AGBL4: variants seen among roughly 807,000 people sequenced by gnomAD.
AGBL4 encodes the protein cytosolic carboxypeptidase 6.
AGBL4 carries 58 observed loss-of-function variants against 66.4 expected under a neutral mutation model. That is an observed-to-expected ratio of 0.87 (90% CI 0.71 to 1.09). AGBL4 has a LOEUF of 1.09. Among genes scored for constraint, AGBL4 ranks in the 50% least tolerant of loss-of-function variants. The pLI, the probability that AGBL4 is intolerant of heterozygous loss-of-function variation, is 0.00. For missense variants in AGBL4, 579 were observed against 631.0 expected, an observed-to-expected ratio of 0.92 and a Z score of 0.88; for synonymous variants, 234 against 222.9, an observed-to-expected ratio of 1.05 and a Z score of -0.44.
chr1:49,350,186 TG>T (rs1377914423), intron 3 of AGBL4, among the ~76,000 whole-genome samples: 9 of 147,740 alleles, frequency 6.1e-5, no homozygotes, highest in Non-Finnish European at 8.9e-5. Context: ...AATGAATATT[TG>T]TTTTTTTTTT....
chr1:48,752,293 AAG>A (rs1651864783), intron 6 of AGBL4, among the ~76,000 whole-genome samples: 1 of 152,198 alleles, frequency 6.6e-6, no homozygotes, highest in Non-Finnish European at 1.5e-5. Context: ...AGGCCCCAAG[AAG>A]AGAGTCCTGG....
At chr1:49,452,254 T>C (rs1646294143) in intron 3 of AGBL4, among the ~76,000 whole-genome samples, 1 of 151,982 alleles carries the variant, frequency 6.6e-6, no homozygotes, top group South Asian at 2.1e-4. Flanking sequence ...ACTATACTTA[T>C]CTGGACTAAT....
At chr1:49,723,381 T>C (rs17105744) in intron 2 of AGBL4, among the ~76,000 whole-genome samples, 4,247 of 152,260 alleles carry the variant, frequency 0.028, 167 homozygotes, top group African/African-American at 0.097. Flanking sequence ...TAATTTCCAT[T>C]GAGCCTATAC....
intron 1 of AGBL4, among the ~76,000 whole-genome samples, chr1:50,009,421 C>T (rs563776793): frequency 1.3e-5 from 2 of 151,746 alleles, no homozygotes; most frequent in Non-Finnish European, 2.9e-5. Context: ...ACCATATAAT[C>T]GTTTCAATTG....
At chr1:49,935,482 T>C (rs1485166611) in intron 1 of AGBL4, among the ~76,000 whole-genome samples, 1 of 152,174 alleles carries the variant, frequency 6.6e-6, no homozygotes, top group Non-Finnish European at 1.5e-5. Context: ...AAGAGAGCAG[T>C]GGTTCTCCCA....
At chr1:49,670,319 C>A (rs1217927901) in intron 3 of AGBL4, among the ~76,000 whole-genome samples, 1 of 152,160 alleles carries the variant, frequency 6.6e-6, no homozygotes, top group Non-Finnish European at 1.5e-5. Context: ...AAAAAAACAG[C>A]AACTTTGCTA....
intron 1 of AGBL4, among the ~76,000 whole-genome samples, chr1:49,856,948 G>A (rs1646448959): frequency 6.6e-6 from 1 of 151,236 alleles, no homozygotes; most frequent in Non-Finnish European, 1.5e-5. Context: ...CTTGTTCATA[G>A]ATGACATGAT....
intron 2 of AGBL4, among the ~76,000 whole-genome samples, chr1:49,752,387 G>T (rs6665050): frequency 6.6e-6 from 1 of 152,154 alleles, no homozygotes; most frequent in Non-Finnish European, 1.5e-5. Flanking sequence ...GTGCGGTTTT[G>T]AGTGAGTTTC....
At chr1:49,813,101 G>T (rs1645140452) in intron 2 of AGBL4, among the ~76,000 whole-genome samples, 1 of 152,034 alleles carries the variant, frequency 6.6e-6, no homozygotes, top group African/African-American at 2.4e-5. Flanking sequence ...CCAATTAATT[G>T]CTACTAAAAA....
intron 1 of AGBL4, among the ~76,000 whole-genome samples, chr1:49,870,912 T>A (rs1024420173): frequency 6.6e-6 from 1 of 152,078 alleles, no homozygotes; most frequent in African/African-American, 2.4e-5. Context: ...AGATATAAAA[T>A]GGTTCAGCCA....
At chr1:48,840,337 C>G (rs1414510871) in intron 6 of AGBL4, among the ~76,000 whole-genome samples, 1 of 152,076 alleles carries the variant, frequency 6.6e-6, no homozygotes, top group Non-Finnish European at 1.5e-5. Context: ...ACAATGCGTA[C>G]CTGCTTATTG....
At chr1:48,525,338 G>A in the AGBL4 span, among the ~76,000 whole-genome samples, 7 of 152,162 alleles carry the variant, frequency 4.6e-5, no homozygotes, top group African/African-American at 1.2e-4. Context: ...TCCTGAAGGA[G>A]GGGTCTTGTA....
intron 3 of AGBL4, among the ~76,000 whole-genome samples, chr1:49,361,477 A>G (rs1644133383): frequency 6.6e-6 from 1 of 152,078 alleles, no homozygotes; most frequent in African/African-American, 2.4e-5. Flanking sequence ...GGTGCCCACC[A>G]TCATGCCCAT....
At chr1:48,654,323 T>C (rs1645984574) in intron 7 of AGBL4, among the ~76,000 whole-genome samples, 1 of 152,148 alleles carries the variant, frequency 6.6e-6, no homozygotes, top group Admixed American at 6.5e-5. Flanking sequence ...TCTGATCCTG[T>C]CACTCCCTCT....
At chr1:49,737,230 A>G (rs893966252) in intron 2 of AGBL4, among the ~76,000 whole-genome samples, 2 of 152,188 alleles carry the variant, frequency 1.3e-5, no homozygotes, top group African/African-American at 4.8e-5. Flanking sequence ...AGAAACATGC[A>G]CTTATATGCT....
At chr1:48,732,276 G>T (rs1182380997) in intron 6 of AGBL4, among the ~76,000 whole-genome samples, 2 of 152,138 alleles carry the variant, frequency 1.3e-5, no homozygotes, top group Non-Finnish European at 2.9e-5. Flanking sequence ...TGTCATGTGG[G>T]CATCTGTGAA....
At chr1:49,915,195 AG>A in intron 1 of AGBL4, among the ~76,000 whole-genome samples, 1 of 151,992 alleles carries the variant, frequency 6.6e-6, no homozygotes, top group East Asian at 1.9e-4. Flanking sequence ...TTTCCAACGG[AG>A]GTACTGGGTT....
chr1:49,788,425 GA>G (rs1644513841), intron 2 of AGBL4, among the ~76,000 whole-genome samples: 1 of 149,968 alleles, frequency 6.7e-6, no homozygotes, highest in Admixed American at 6.6e-5. Context: ...AAAATGAAAA[GA>G]AAAAAACTCC....
intron 1 of AGBL4, among the ~76,000 whole-genome samples, chr1:49,886,696 A>T (rs984341738): frequency 6.6e-6 from 1 of 152,132 alleles, no homozygotes; most frequent in African/African-American, 2.4e-5. Flanking sequence ...AGAAGCAGAG[A>T]CCATTCTCCT....
Sources: gnomAD v4.1 joint callset for allele counts (sites outside exome capture counted in the v4.1 genomes callset) on GRCh38, gnomAD v4.1.1 for gene constraint, MANE v1.5 for transcripts, NCBI Gene and HGNC (gene_info 2026-07-23, HGNC 2026-07-21) for gene names.